Variants in GRID2 observed in about 807,000 individuals in gnomAD.
GRID2 encodes the protein glutamate ionotropic receptor delta type subunit 2.
In GRID2, 33 loss-of-function variants were observed where a neutral mutation model predicts 114.8. The observed-to-expected ratio is 0.29, with a 90% confidence interval of 0.22 to 0.38. The LOEUF is 0.38. GRID2 is among the 10% of genes least tolerant of loss of function. GRID2 has a pLI of 1.00. For synonymous variants in GRID2, 505 were observed against 449.9 expected (o/e 1.12, Z -1.55); for missense variants, 1,184 against 1,257.7 (o/e 0.94, Z 0.89).
intron 1 of GRID2, among the ~76,000 whole-genome samples, chr4:92,532,434 GCAACACAA>G (rs1429128256): frequency 6.6e-6 from 1 of 152,142 alleles, no homozygotes; most frequent in Non-Finnish European, 1.5e-5. Context: ...GATTTACTAA[GCAACACAA>G]CAACACAACA....
At chr4:92,376,747 T>C (rs1729374394) in intron 1 of GRID2, among the ~76,000 whole-genome samples, 1 of 152,124 alleles carries the variant, frequency 6.6e-6, no homozygotes, top group South Asian at 2.1e-4. Flanking sequence ...ATCTTGACTT[T>C]TGTGCGCTTG....
At chr4:93,756,821 G>C (rs2110297990) in intron 14 of GRID2, among the ~76,000 whole-genome samples, 1 of 152,310 alleles carries the variant, frequency 6.6e-6, no homozygotes, top group East Asian at 1.9e-4. Context: ...AGTGAATACA[G>C]AAGGAAAGTC....
chr4:93,484,490 G>A (rs895034081), intron 11 of GRID2, among the ~76,000 whole-genome samples: 1 of 151,882 alleles, frequency 6.6e-6, no homozygotes, highest in Non-Finnish European at 1.5e-5. Flanking sequence ...AAATTTAACA[G>A]AGTTGAATTG....
chr4:93,419,547 G>A (rs1454891448), intron 9 of GRID2, among the ~76,000 whole-genome samples: 2 of 152,002 alleles, frequency 1.3e-5, no homozygotes, highest in Non-Finnish European at 2.9e-5. Context: ...CCGTAATAGA[G>A]CTTAAAACTA....
intron 12 of GRID2, among the ~76,000 whole-genome samples, chr4:93,497,051 A>ATT (rs528062125): frequency 2.1e-5 from 3 of 142,448 alleles, no homozygotes; most frequent in African/African-American, 5.1e-5. Context: ...TGGTGGTATC[A>ATT]TTTTTTTTTT....
In GRID2 at chr4:92,576,696, C is replaced by A. The variant is rs114374882; in HGVS notation, c.89-13435C>A. ...CTGGTGGCATGGGCCCATGATGGGA[C>A]CTCCTGATCCATGGTTTGCAAAGCT... is the stretch of plus-strand genomic sequence containing the variant. On this transcript the variant is annotated intron_variant, in intron 1 of 15. Coordinates refer to ENST00000282020, the MANE Select transcript of GRID2 (RefSeq NM_001510.4). Among the ~76,000 whole-genome samples, 1,034 of 152,224 alleles carry A rather than the reference C, an allele frequency of 6.8e-3. 10 individuals are homozygous for A. The highest frequency in any genetic ancestry group is 0.022 in the African/African-American group (902 of 41,546).
intron 14 of GRID2, among the ~76,000 whole-genome samples, chr4:93,734,891 A>C (rs1006860437): frequency 6.6e-6 from 1 of 152,078 alleles, no homozygotes; most frequent in African/African-American, 2.4e-5. Flanking sequence ...GCTTTTAATA[A>C]AATATTTCAT....
chr4:92,857,856 C>T (rs1744277953), intron 2 of GRID2, among the ~76,000 whole-genome samples: 1 of 152,180 alleles, frequency 6.6e-6, no homozygotes, highest in Non-Finnish European at 1.5e-5. Flanking sequence ...AACAGGCTGA[C>T]TCTCTTGTTA....
chr4:93,194,562 G>T (rs190188789), intron 4 of GRID2, among the ~76,000 whole-genome samples: 1 of 152,148 alleles, frequency 6.6e-6, no homozygotes, highest in Non-Finnish European at 1.5e-5. Flanking sequence ...ATAAGTATCC[G>T]GTGTAGCCAG....
At chr4:93,513,156 A>G (rs1035558803) in intron 12 of GRID2, among the ~76,000 whole-genome samples, 1 of 152,176 alleles carries the variant, frequency 6.6e-6, no homozygotes, top group Non-Finnish European at 1.5e-5. Flanking sequence ...TTCTCCAACT[A>G]TAGACCTGCA....
intron 5 of GRID2, among the ~76,000 whole-genome samples, chr4:93,213,087 T>G (rs1487542770): frequency 3.9e-5 from 6 of 152,128 alleles, no homozygotes; most frequent in African/African-American, 1.4e-4. Flanking sequence ...TGGGGGGTTT[T>G]GTTGTTGTTT....
chr4:93,761,619 T>G (rs768655633), intron 14 of GRID2, among the ~76,000 whole-genome samples: 4 of 152,186 alleles, frequency 2.6e-5, no homozygotes, highest in Non-Finnish European at 2.9e-5. Context: ...TGAAATACCA[T>G]GAAGTACTAT....
intron 1 of GRID2, among the ~76,000 whole-genome samples, chr4:92,578,350 T>C (rs1728008553): frequency 7.2e-6 from 1 of 138,964 alleles, no homozygotes; most frequent in Admixed American, 7.8e-5. Context: ...TTCCCACCTA[T>C]GAGTGAGAAC....
intron 14 of GRID2, among the ~76,000 whole-genome samples, chr4:93,719,173 A>T (rs1314252588): frequency 6.6e-6 from 1 of 151,980 alleles, no homozygotes; most frequent in African/African-American, 2.4e-5. Context: ...TAACATAAAC[A>T]CTTAAAAGAG....
chr4:92,305,318 A>T (rs1280126280), intron 1 of GRID2, among the ~76,000 whole-genome samples: 2 of 152,084 alleles, frequency 1.3e-5, no homozygotes, highest in African/African-American at 4.8e-5. Context: ...TCTTGGCTTT[A>T]TGATCCTTGC....
intron 2 of GRID2, among the ~76,000 whole-genome samples, chr4:92,756,825 T>G (rs916586338): frequency 2.0e-5 from 3 of 152,026 alleles, no homozygotes; most frequent in Admixed American, 6.6e-5. Context: ...TTATGTTGAG[T>G]TGTTTAAGTT....
intron 2 of GRID2, among the ~76,000 whole-genome samples, chr4:92,952,236 G>A (rs1752091515): frequency 6.6e-6 from 1 of 151,982 alleles, no homozygotes; most frequent in South Asian, 2.1e-4. Flanking sequence ...TATTCTGATA[G>A]GTAAACATGT....
At chr4:93,584,057 C>T (rs547340294) in intron 13 of GRID2, among the ~76,000 whole-genome samples, 10 of 152,126 alleles carry the variant, frequency 6.6e-5, no homozygotes, top group South Asian at 4.1e-4. Flanking sequence ...TTTAGGGTTC[C>T]GGTCTTAGAT....
At chr4:92,940,841 T>C (rs1053410257) in intron 2 of GRID2, among the ~76,000 whole-genome samples, 10 of 152,186 alleles carry the variant, frequency 6.6e-5, no homozygotes, top group Non-Finnish European at 1.3e-4. Context: ...GGTTTTTGTC[T>C]TTGGTTCTGT....
Sources: allele counts gnomAD v4.1 joint callset (sites outside exome capture counted in the v4.1 genomes callset), GRCh38; gene constraint gnomAD v4.1.1; transcripts MANE v1.5; gene names NCBI Gene and HGNC (gene_info 2026-07-23, HGNC 2026-07-21).